The following WASL variants were observed in gnomAD, a reference collection of about 807,000 sequenced individuals.
WASL encodes the protein WASP like actin nucleation promoting factor, also known as actin nucleation-promoting factor WASL.
In WASL, 20 loss-of-function variants were observed where a neutral mutation model predicts 55.5. The observed-to-expected ratio is 0.36, with a 90% CI of 0.25 to 0.52. The LOEUF is 0.52. WASL is among the 20% of genes least tolerant of loss of function. The pLI, the probability that WASL is intolerant of heterozygous loss-of-function variation, is 0.92. For synonymous variants in WASL, 249 were observed against 217.6 expected, an observed-to-expected ratio of 1.14 and a Z score of -1.27; for missense variants, 504 against 622.5, an observed-to-expected ratio of 0.81 and a Z score of 2.03.
chr7:123,691,936 T>TA (rs1351429732), intron 9 of WASL, among the ~76,000 whole-genome samples: 1 of 152,256 alleles, frequency 6.6e-6, no homozygotes, highest in Non-Finnish European at 1.5e-5. Context: ...GATTTTTCTT[T>TA]AAAGTACCTT....
intron 1 of WASL, among the ~76,000 whole-genome samples, chr7:123,732,947 AAC>A (rs1332593821): frequency 3.3e-5 from 5 of 152,192 alleles, no homozygotes; most frequent in African/African-American, 1.2e-4. Flanking sequence ...TGATCATATG[AAC>A]AGATACAGTA....
intron 2 of WASL, 24 bp from the exon 3 acceptor site, chr7:123,706,850 A>G: frequency 7.1e-7 from 1 of 1,405,788 alleles, no homozygotes; most frequent in Admixed American, 2.2e-5. Flanking sequence ...AAAAATTAAA[A>G]TAAGAACTAC....
chr7:123,706,858 T>C (rs1328854954), intron 2 of WASL, 32 bp from the exon 3 acceptor site: 2 of 1,304,160 alleles, frequency 1.5e-6, no homozygotes, highest in Non-Finnish European at 2.1e-6. Context: ...AAATAAGAAC[T>C]ACCAAAACAT....
chr7:123,695,420 C>T (rs903067693), intron 7 of WASL, among the ~76,000 whole-genome samples: 5 of 152,068 alleles, frequency 3.3e-5, no homozygotes, highest in South Asian at 2.1e-4. Flanking sequence ...TATAAAACAA[C>T]GGCAAAACTG....
At chr7:123,698,515 T>C (rs138933111) in intron 5 of WASL, among the ~76,000 whole-genome samples, 33 of 152,192 alleles carry the variant, frequency 2.2e-4, no homozygotes, top group African/African-American at 7.5e-4. Flanking sequence ...ATCACCAAAA[T>C]TCAACTCTTT....
intron 10 of WASL, 74 bp from the exon 11 acceptor site, chr7:123,684,654 C>T: frequency 1.4e-6 from 2 of 1,400,326 alleles, no homozygotes; most frequent in Non-Finnish European, 1.9e-6. Context: ...GTGGTTTCTC[C>T]AATTATTTAA....
intron 1 of WASL, among the ~76,000 whole-genome samples, chr7:123,733,356 T>A (rs777386374): frequency 1.3e-5 from 2 of 152,138 alleles, no homozygotes; most frequent in African/African-American, 4.8e-5. Flanking sequence ...TGCTTTCCTG[T>A]GTACCAGGAA....
intron 5 of WASL, among the ~76,000 whole-genome samples, chr7:123,698,155 G>A (rs1249331156): frequency 6.6e-6 from 1 of 151,836 alleles, no homozygotes; most frequent in African/African-American, 2.4e-5. Context: ...CATGAGTACA[G>A]CTATATATTA....
At chr7:123,721,174 T>C (rs1803937252) in intron 1 of WASL, among the ~76,000 whole-genome samples, 1 of 152,222 alleles carries the variant, frequency 6.6e-6, no homozygotes, top group African/African-American at 2.4e-5. Flanking sequence ...TTAAACATGA[T>C]TAATAAAAAT....
At chr7:123,708,716 T>C (rs1803709139) in intron 2 of WASL, among the ~76,000 whole-genome samples, 1 of 152,098 alleles carries the variant, frequency 6.6e-6, no homozygotes, top group African/African-American at 2.4e-5. Flanking sequence ...AAAATATTAT[T>C]TTGTTGTTAC....
intron 5 of WASL, among the ~76,000 whole-genome samples, chr7:123,699,550 C>T (rs889382521): frequency 5.3e-5 from 8 of 152,082 alleles, no homozygotes; most frequent in African/African-American, 1.7e-4. Context: ...ATCTATTATA[C>T]TATAGATGAC....
chr7:123,685,940 A>G (rs1475301594), intron 10 of WASL, among the ~76,000 whole-genome samples: 1 of 149,156 alleles, frequency 6.7e-6, no homozygotes, highest in East Asian at 1.9e-4. Flanking sequence ...ATAAAGTGGG[A>G]CAGTGGCTGA....
intron 1 of WASL, among the ~76,000 whole-genome samples, chr7:123,741,551 T>C (rs1804342440): frequency 1.3e-5 from 2 of 152,224 alleles, no homozygotes; most frequent in African/African-American, 2.4e-5. Flanking sequence ...CTATGACTTC[T>C]AGACAGAATA....
At chr7:123,695,314 A>G (rs1019459394) in intron 7 of WASL, among the ~76,000 whole-genome samples, 1 of 152,190 alleles carries the variant, frequency 6.6e-6, no homozygotes, top group African/African-American at 2.4e-5. Context: ...TATAACAAAA[A>G]TAACTAAAAA....
At position 123,682,123 on chromosome 7, in the gene WASL, T is replaced by C. The variant is rs967969994; in HGVS notation, c.*2396A>G. ...ACATACAATATGTGGCTAGCTGAAA[T>C]TGTCTATCACGTAGCATTTAGATAT... On this transcript the variant is annotated 3_prime_UTR_variant, in exon 11 of 11. Coordinates refer to ENST00000223023, the MANE Select transcript of WASL (RefSeq NM_003941.4). 1.3e-5 allele frequency: 2 copies of C among 152,126 alleles called. No homozygotes were observed. The highest frequency in any genetic ancestry group is 2.4e-5 in the African/African-American group (1 of 41,434). The allele number at this position is 152,126 out of a possible 1,614,324, so 9.4% of individuals were successfully genotyped here.
chr7:123,729,767 T>A (rs1000968494), intron 1 of WASL, among the ~76,000 whole-genome samples: 1 of 152,220 alleles, frequency 6.6e-6, no homozygotes, highest in African/African-American at 2.4e-5. Flanking sequence ...CTATGAGCAT[T>A]ACTTTGAGCT....
At chr7:123,741,680 T>C (rs1200987636) in intron 1 of WASL, among the ~76,000 whole-genome samples, 1 of 152,180 alleles carries the variant, frequency 6.6e-6, no homozygotes, top group Admixed American at 6.5e-5. Context: ...CTATAGAATA[T>C]GGACAAAAGT....
intron 1 of WASL, among the ~76,000 whole-genome samples, chr7:123,744,352 C>T (rs138932529): frequency 6.6e-6 from 1 of 152,176 alleles, no homozygotes; most frequent in Non-Finnish European, 1.5e-5. Context: ...AAAAAATAAA[C>T]GAGTAATTAT....
At chr7:123,717,405 C>G (rs1301778015) in intron 1 of WASL, among the ~76,000 whole-genome samples, 1 of 152,238 alleles carries the variant, frequency 6.6e-6, no homozygotes, top group Non-Finnish European at 1.5e-5. Flanking sequence ...CTTTAGCTGT[C>G]CCTGAAGATG....
Sources: allele counts gnomAD v4.1 joint callset (sites outside exome capture counted in the v4.1 genomes callset), GRCh38; gene constraint gnomAD v4.1.1; transcripts MANE v1.5; gene names NCBI Gene and HGNC (gene_info 2026-07-23, HGNC 2026-07-21).